The following ALG1L2 variants were observed in gnomAD, a reference collection of about 807,000 sequenced individuals.
The protein encoded by ALG1L2 is putative glycosyltransferase ALG1L2.
ALG1L2 carries 32 observed loss-of-function variants against 29.0 expected under a neutral mutation model. That is an observed-to-expected ratio of 1.10 (90% CI 0.83 to 1.48). The LOEUF is 1.48. Among genes scored for constraint, ALG1L2 ranks in the 40% most tolerant of loss-of-function variants. ALG1L2 has a pLI of 0.00. For missense variants in ALG1L2, 318 were observed against 274.1 expected, an observed-to-expected ratio of 1.16 and a Z score of -1.13; for synonymous variants, 110 against 109.5, an observed-to-expected ratio of 1.00 and a Z score of -0.03.
chr3:130,094,155 T>C, intron 4 of ALG1L2: 1 of 529,302 alleles, frequency 1.9e-6, no homozygotes. Context: ...TACCCCGCCT[T>C]GTTTGCAGCC....
intron 1 of ALG1L2, among the ~76,000 whole-genome samples, chr3:130,085,371 C>T (rs375864164): frequency 2.4e-5 from 3 of 122,480 alleles, no homozygotes; most frequent in African/African-American, 5.9e-5. Flanking sequence ...GCTAGGATTA[C>T]AGGCATGAGT....
intron 1 of ALG1L2, among the ~76,000 whole-genome samples, chr3:130,089,885 T>C (rs1351471054): frequency 6.6e-6 from 1 of 152,056 alleles, no homozygotes; most frequent in Non-Finnish European, 1.5e-5. Flanking sequence ...TACTTAAAAA[T>C]ACAAAAATTA....
In ALG1L2 at chr3:130,096,178, C is replaced by T. The variant is rs757700364; in HGVS notation, c.539+15C>T. The T allele has an allele frequency of 5.0e-5, 81 of 1,610,808 alleles. 1 individual carries two copies. In the South Asian group the frequency reaches 7.9e-4, roughly 16 times the overall value. The stretch of plus-strand genomic sequence containing the variant: ...AACTTCAAGTGGTAGGAGCAGAACC[C>T]GAATTTTTTCTGGGGATAGCTTCAC... On this transcript the variant is annotated intron_variant, in intron 6 of 7. Coordinates refer to ENST00000425059, the MANE Select transcript of ALG1L2 (RefSeq NM_001136152.1).
At chr3:130,090,230 C>T (rs1380239100) in intron 1 of ALG1L2, among the ~76,000 whole-genome samples, 1 of 152,276 alleles carries the variant, frequency 6.6e-6, no homozygotes, top group African/African-American at 2.4e-5. Flanking sequence ...GTGGTGGGTG[C>T]CTGAAATCCC....
chr3:130,086,613 G>T (rs1256758507), intron 1 of ALG1L2, among the ~76,000 whole-genome samples: 2 of 149,412 alleles, frequency 1.3e-5, no homozygotes, highest in Admixed American at 6.8e-5. Flanking sequence ...GGAGGTCAAG[G>T]CTGCAGTGAC....
Position 130,097,163 on chromosome 3 carries a change from T to G in ALG1L2, c.540-12T>G, listed in dbSNP as rs1935158149. 1.2e-6 allele frequency: 2 copies of G among 1,611,818 alleles called. No homozygotes were observed. The highest frequency in any genetic ancestry group is 4.5e-5 in the East Asian group (2 of 44,874). On this transcript the variant is annotated splice_polypyrimidine_tract_variant and intron_variant, in intron 6 of 7. Transcript: ENST00000425059. ...CCAGGAAACTCTCGGGCTCCTTTTG[T>G]TCTCTCTGCAGTTTACATGAGCTGG...
intron 1 of ALG1L2, among the ~76,000 whole-genome samples, chr3:130,088,032 G>A (rs560803157): frequency 7.2e-5 from 11 of 152,420 alleles, no homozygotes; most frequent in African/African-American, 2.2e-4. Context: ...GACTTTCTGA[G>A]CCCCCATGTC....
intron 4 of ALG1L2, among the ~76,000 whole-genome samples, chr3:130,093,472 G>T (rs1453464121): frequency 6.6e-6 from 1 of 150,904 alleles, no homozygotes; most frequent in Non-Finnish European, 1.5e-5. Flanking sequence ...TGTCGCCCAG[G>T]CTGGGATGCA....
intron 7 of ALG1L2, among the ~76,000 whole-genome samples, chr3:130,097,934 CTGTG>C (rs1186607876): frequency 6.6e-6 from 1 of 152,220 alleles, no homozygotes; most frequent in Non-Finnish European, 1.5e-5. Context: ...ATGGGTGGGA[CTGTG>C]TTGGCCAGAG....
chr3:130,082,767 G>A (rs1934817001), intron 1 of ALG1L2, among the ~76,000 whole-genome samples: 2 of 148,072 alleles, frequency 1.4e-5, no homozygotes, highest in East Asian at 2.0e-4. Context: ...GCTGTGCCCT[G>A]AGCATAGAAT....
At chr3:130,094,663 C>G in intron 5 of ALG1L2, 150 bp downstream of exon 5, 4 of 980,436 alleles carry the variant, frequency 4.1e-6, no homozygotes, top group Non-Finnish European at 5.9e-6. Flanking sequence ...GAGAAGGCTA[C>G]TTCCTGGTGT....
At chr3:130,091,659 A>T in intron 2 of ALG1L2, 2 of 543,912 alleles carry the variant, frequency 3.7e-6, no homozygotes, top group Non-Finnish European at 6.6e-6. Flanking sequence ...AAGGAATGTT[A>T]AAGGGTCTTA....
chr3:130,088,147 C>T (rs2976141), intron 1 of ALG1L2, among the ~76,000 whole-genome samples: 13 of 133,490 alleles, frequency 9.7e-5, no homozygotes, highest in Non-Finnish European at 1.3e-4. Flanking sequence ...GGAGACGTTG[C>T]GTCAGATCCC....
intron 7 of ALG1L2, 41 bp from the exon 8 acceptor site, chr3:130,098,182 A>T: frequency 6.3e-7 from 1 of 1,595,736 alleles, no homozygotes; most frequent in South Asian, 1.1e-5. Flanking sequence ...GTGACCTGGG[A>T]TGGGGTGGGG....
chr3:130,082,244 T>A (rs2108112094), intron 1 of ALG1L2, among the ~76,000 whole-genome samples: 1 of 143,888 alleles, frequency 6.9e-6, no homozygotes, highest in African/African-American at 2.5e-5. Context: ...GTTTGGCCTG[T>A]GTAGTCACAC....
At chr3:130,096,724 A>G (rs1201000896) in intron 6 of ALG1L2, among the ~76,000 whole-genome samples, 5 of 152,142 alleles carry the variant, frequency 3.3e-5, no homozygotes, top group Non-Finnish European at 7.3e-5. Flanking sequence ...GCCCCTGCTC[A>G]GGAGCCGGCC....
At chr3:130,096,192 G>T (rs2587972) in intron 6 of ALG1L2, 29 bp downstream of exon 6, 417,022 of 1,606,356 alleles carry the variant, frequency 0.26, 59,517 homozygotes, top group East Asian at 0.61. Context: ...TTTTTTCTGG[G>T]GATAGCTTCA....
chr3:130,084,695 C>T (rs978813215), intron 1 of ALG1L2, among the ~76,000 whole-genome samples: 1 of 127,742 alleles, frequency 7.8e-6, no homozygotes, highest in African/African-American at 2.6e-5. Context: ...TCGTCTTACA[C>T]CTGCAGGCCA....
intron 4 of ALG1L2, 88 bp downstream of exon 4, chr3:130,093,248 C>G: frequency 6.9e-7 from 1 of 1,458,276 alleles, no homozygotes; most frequent in Non-Finnish European, 9.6e-7. Flanking sequence ...TTCCCACGAT[C>G]TTGTCTCCTT....
Sources: allele counts gnomAD v4.1 joint callset (sites outside exome capture counted in the v4.1 genomes callset), GRCh38; gene constraint gnomAD v4.1.1; transcripts MANE v1.5; gene names NCBI Gene and HGNC (gene_info 2026-07-23, HGNC 2026-07-21).